PPP3CA: variants seen among roughly 807,000 people sequenced by gnomAD.
The protein encoded by PPP3CA is protein phosphatase 3 catalytic subunit alpha, also known as CAM-PRP catalytic subunit.
PPP3CA carries 14 observed loss-of-function variants against 66.5 expected under a neutral mutation model. The ratio of observed to expected loss-of-function variants is 0.21; its 90% CI spans 0.14 to 0.33. The LOEUF is 0.33. Ranked by LOEUF, PPP3CA falls within the 10% of genes least tolerant of loss-of-function variation. PPP3CA has a pLI of 1.00. For synonymous variants in PPP3CA, 232 were observed against 226.2 expected, an observed-to-expected ratio of 1.03 and a Z score of -0.23; for missense variants, 317 against 639.5, an observed-to-expected ratio of 0.50 and a Z score of 5.44.
At chr4:101,207,260 A>G (rs1458789516) in intron 1 of PPP3CA, among the ~76,000 whole-genome samples, 1 of 152,198 alleles carries the variant, frequency 6.6e-6, no homozygotes, top group Non-Finnish European at 1.5e-5. Context: ...CCTTTAAAGG[A>G]ACATTTTCCT....
intron 2 of PPP3CA, among the ~76,000 whole-genome samples, chr4:101,179,524 G>T (rs1044083007): frequency 6.6e-6 from 1 of 152,028 alleles, no homozygotes; most frequent in Non-Finnish European, 1.5e-5. Flanking sequence ...GCAGAAGGGG[G>T]ACTTGTGTAA....
At chr4:101,026,621 G>T (rs904172817) in intron 13 of PPP3CA, among the ~76,000 whole-genome samples, 2 of 151,272 alleles carry the variant, frequency 1.3e-5, no homozygotes, top group African/African-American at 4.9e-5. Flanking sequence ...ATCCCAGAAA[G>T]AACTTCTTGA....
chr4:101,341,058 G>C (rs1473797704), intron 1 of PPP3CA, among the ~76,000 whole-genome samples: 1 of 152,080 alleles, frequency 6.6e-6, no homozygotes, highest in Non-Finnish European at 1.5e-5. Context: ...ACCAGAATTT[G>C]ATGTCTGCTA....
chr4:101,278,409 CCCT>C (rs1317449185), intron 1 of PPP3CA, among the ~76,000 whole-genome samples: 33 of 152,060 alleles, frequency 2.2e-4, no homozygotes, highest in Non-Finnish European at 3.8e-4. Context: ...ACACCTGATC[CCCT>C]CCTCATCACT....
chr4:101,312,419 T>G (rs559020413), intron 1 of PPP3CA, among the ~76,000 whole-genome samples: 148 of 152,092 alleles, frequency 9.7e-4, no homozygotes, highest in African/African-American at 3.3e-3. Context: ...TTATTAAACA[T>G]TATTTTTTAT....
At chr4:101,073,228 CGTGTGTGTGTGT>C (rs74947807) in intron 8 of PPP3CA, among the ~76,000 whole-genome samples, 27,227 of 143,726 alleles carry the variant, frequency 0.19, 2,727 homozygotes, top group Middle Eastern at 0.32. Flanking sequence ...TATATATATA[CGTGTGTGTGTGT>C]GTGTGTGTGT....
At chr4:101,163,992 G>A (rs1337311444) in intron 2 of PPP3CA, among the ~76,000 whole-genome samples, 2 of 52,080 alleles carry the variant, frequency 3.8e-5, no homozygotes, top group African/African-American at 1.9e-4. Flanking sequence ...CTTATTATTT[G>A]TTTTTAGAGA....
At chr4:101,102,160 T>C (rs1560602345) in intron 3 of PPP3CA, among the ~76,000 whole-genome samples, 1 of 151,778 alleles carries the variant, frequency 6.6e-6, no homozygotes, top group Non-Finnish European at 1.5e-5. Context: ...TTAATGGATG[T>C]AAAGTACCTA....
chr4:101,255,049 A>G (rs1726796929), intron 1 of PPP3CA, among the ~76,000 whole-genome samples: 1 of 151,470 alleles, frequency 6.6e-6, no homozygotes, highest in East Asian at 1.9e-4. Flanking sequence ...AAAAAAAAAA[A>G]AAAAAAGAAG....
intron 2 of PPP3CA, among the ~76,000 whole-genome samples, chr4:101,146,777 G>T (rs1263227519): frequency 6.6e-6 from 1 of 152,086 alleles, no homozygotes; most frequent in East Asian, 1.9e-4. Context: ...CTATCTACCA[G>T]GCACTGTTCT....
At chr4:101,274,598 C>A (rs1322642308) in intron 1 of PPP3CA, among the ~76,000 whole-genome samples, 1 of 152,164 alleles carries the variant, frequency 6.6e-6, no homozygotes, top group Admixed American at 6.5e-5. Flanking sequence ...CCAGAGTTCA[C>A]AAATACTCCC....
At chr4:101,188,806 C>A (rs1724495028) in intron 2 of PPP3CA, among the ~76,000 whole-genome samples, 1 of 152,096 alleles carries the variant, frequency 6.6e-6, no homozygotes, top group African/African-American at 2.4e-5. Flanking sequence ...TATCTGACCT[C>A]CAGGTCAAAC....
intron 10 of PPP3CA, among the ~76,000 whole-genome samples, chr4:101,048,936 G>A (rs1240615424): frequency 5.9e-5 from 9 of 152,024 alleles, no homozygotes; most frequent in African/African-American, 2.2e-4. Context: ...CCTGTGTAAT[G>A]GATTTTAAGG....
At chr4:101,271,382 A>G (rs537680171) in intron 1 of PPP3CA, among the ~76,000 whole-genome samples, 1 of 152,220 alleles carries the variant, frequency 6.6e-6, no homozygotes, top group African/African-American at 2.4e-5. Context: ...TCCCACCAGC[A>G]TACCACCAGT....
chr4:101,130,678 G>A (rs1722400520), intron 2 of PPP3CA, among the ~76,000 whole-genome samples: 1 of 152,142 alleles, frequency 6.6e-6, no homozygotes, highest in Admixed American at 6.5e-5. Flanking sequence ...ATCCTTTATA[G>A]ACAAGCAAAT....
chr4:101,335,082 G>A (rs1342257376), intron 1 of PPP3CA, among the ~76,000 whole-genome samples: 1 of 152,034 alleles, frequency 6.6e-6, no homozygotes, highest in African/African-American at 2.4e-5. Flanking sequence ...TTTATACGTA[G>A]ATATCTTAAA....
intron 10 of PPP3CA, among the ~76,000 whole-genome samples, chr4:101,046,337 AATTGTT>A (rs1727765491): frequency 6.6e-6 from 1 of 152,130 alleles, no homozygotes; most frequent in Admixed American, 6.6e-5. Flanking sequence ...TGCTTTTAAA[AATTGTT>A]ATTGTTATTG....
At chr4:101,143,632 T>C (rs1379766522) in intron 2 of PPP3CA, among the ~76,000 whole-genome samples, 2 of 152,214 alleles carry the variant, frequency 1.3e-5, no homozygotes, top group East Asian at 3.8e-4. Flanking sequence ...CAGGTTCCAC[T>C]AGACTATTGT....
At chr4:101,075,441 G>A (rs1729143904) in intron 8 of PPP3CA, among the ~76,000 whole-genome samples, 1 of 151,990 alleles carries the variant, frequency 6.6e-6, no homozygotes, top group African/African-American at 2.4e-5. Flanking sequence ...CATACCCCTG[G>A]TATATATGTT....
Sources: allele counts gnomAD v4.1 joint callset (sites outside exome capture counted in the v4.1 genomes callset), GRCh38; gene constraint gnomAD v4.1.1; transcripts MANE v1.5; gene names NCBI Gene and HGNC (gene_info 2026-07-23, HGNC 2026-07-21).